Variants in AMMECR1 observed in about 807,000 individuals in gnomAD.
AMMECR1 encodes nuclear protein AMMECR1.
A neutral mutation model predicts 22.5 loss-of-function variants in AMMECR1; 3 were observed. The observed-to-expected ratio is 0.13, with a 90% CI of 0.06 to 0.35. The LOEUF is 0.35. AMMECR1 is among the 10% of genes least tolerant of loss of function. AMMECR1 has a pLI of 1.00. For synonymous variants in AMMECR1, 130 were observed against 116.7 expected (o/e 1.11, Z -0.74); for missense variants, 235 against 278.7 (o/e 0.84, Z 1.12).
At chrX:110,269,132 C>G (rs974378330) in intron 1 of AMMECR1, among the ~76,000 whole-genome samples, 2 of 111,852 alleles carry the variant, frequency 1.8e-5, no homozygotes, top group South Asian at 7.5e-4. Context: ...CCAATACTGT[C>G]AGGTCAACAG....
intron 2 of AMMECR1, among the ~76,000 whole-genome samples, chrX:110,365,047 G>C (rs1244434919): frequency 9.0e-6 from 1 of 111,613 alleles, no homozygotes; most frequent in Non-Finnish European, 1.9e-5. Flanking sequence ...CTTTGCAGGG[G>C]AATTGCCCTA....
chrX:110,433,446 T>C (rs1208747569), intron 1 of AMMECR1, among the ~76,000 whole-genome samples: 3 of 110,830 alleles, frequency 2.7e-5, no homozygotes, highest in Admixed American at 1.9e-4. Flanking sequence ...TAGGAGAGGA[T>C]GGGAGGATGA....
chrX:110,246,230 A>T (rs1383250525), intron 2 of AMMECR1, among the ~76,000 whole-genome samples: 3 of 112,261 alleles, frequency 2.7e-5, no homozygotes, highest in African/African-American at 9.7e-5. Flanking sequence ...TCCCATAAGA[A>T]TTGAGTGTTC....
chrX:110,409,014 C>G (rs1415857785), intron 2 of AMMECR1, among the ~76,000 whole-genome samples: 5 of 111,872 alleles, frequency 4.5e-5, no homozygotes, highest in Non-Finnish European at 7.5e-5. Context: ...TTGAACACCA[C>G]TGTGCTAGCC....
chrX:110,307,870 T>C (rs977691109), intron 1 of AMMECR1, among the ~76,000 whole-genome samples: 20 of 85,789 alleles, frequency 2.3e-4, no homozygotes, highest in Non-Finnish European at 3.6e-4. Context: ...TTTTCTTTTT[T>C]TTTTTTTTTT....
upstream of AMMECR1, among the ~76,000 whole-genome samples, chrX:110,322,716 A>T (rs1254053330): frequency 9.0e-6 from 1 of 111,497 alleles, no homozygotes; most frequent in East Asian, 2.8e-4. Context: ...GATCCCTATA[A>T]CCTCTGCTAG....
chrX:110,301,368 G>T (rs1162765044), intron 1 of AMMECR1, among the ~76,000 whole-genome samples: 1 of 112,475 alleles, frequency 8.9e-6, no homozygotes, highest in Non-Finnish European at 1.9e-5. Flanking sequence ...CTTCCTGCTT[G>T]CACAGGGTCT....
At chrX:110,204,648 T>G (rs2067413471) in intron 3 of AMMECR1, among the ~76,000 whole-genome samples, 1 of 111,813 alleles carries the variant, frequency 8.9e-6, no homozygotes, top group African/African-American at 3.3e-5. Flanking sequence ...AGTCCTTTCT[T>G]TATAGGAGTA....
chrX:110,323,581 T>C (rs1400311581), intron 2 of AMMECR1, among the ~76,000 whole-genome samples: 1 of 112,729 alleles, frequency 8.9e-6, no homozygotes. Flanking sequence ...CATCTACCAG[T>C]ACTTCATTCC....
chrX:110,236,212 G>A (rs1352521104), intron 2 of AMMECR1, among the ~76,000 whole-genome samples: 2 of 111,770 alleles, frequency 1.8e-5, no homozygotes, highest in African/African-American at 6.5e-5. Flanking sequence ...CCTGCTATGT[G>A]CCAAGCACGA....
At chrX:110,336,388 TA>T (rs940888669) in intron 2 of AMMECR1, among the ~76,000 whole-genome samples, 1 of 110,583 alleles carries the variant, frequency 9.0e-6, no homozygotes, top group Admixed American at 9.7e-5. Flanking sequence ...TGTATTTTTT[TA>T]AAAAAACATC....
intron 2 of AMMECR1, among the ~76,000 whole-genome samples, chrX:110,222,311 T>A (rs763252686): frequency 2.2e-5 from 2 of 90,109 alleles, no homozygotes; most frequent in Non-Finnish European, 4.4e-5. Flanking sequence ...ATGGATGAAA[T>A]TGGAAAACAT....
intron 1 of AMMECR1, among the ~76,000 whole-genome samples, chrX:110,284,300 A>AT (rs1348474775): frequency 9.0e-6 from 1 of 111,713 alleles, no homozygotes; most frequent in Non-Finnish European, 1.9e-5. Flanking sequence ...GCAAGAAATC[A>AT]TGATAGTTCC....
At chrX:110,389,600 T>A (rs2148284747) in intron 2 of AMMECR1, among the ~76,000 whole-genome samples, 1 of 112,236 alleles carries the variant, frequency 8.9e-6, no homozygotes, top group East Asian at 2.8e-4. Context: ...CCCTTAAGGT[T>A]ATTCAATCTT....
chrX:110,298,353 C>T (rs1451006703), intron 1 of AMMECR1, among the ~76,000 whole-genome samples: 2 of 111,583 alleles, frequency 1.8e-5, no homozygotes, highest in Non-Finnish European at 3.8e-5. Context: ...AAGCAAATTA[C>T]AAGTTATGAG....
chrX:110,391,827 T>C (rs1289453812), intron 2 of AMMECR1, among the ~76,000 whole-genome samples: 1 of 112,007 alleles, frequency 8.9e-6, no homozygotes, highest in African/African-American at 3.2e-5. Context: ...AGCATCATCT[T>C]CCCCTTTTTT....
intron 2 of AMMECR1, among the ~76,000 whole-genome samples, chrX:110,347,614 G>T (rs2068195947): frequency 8.9e-6 from 1 of 112,749 alleles, no homozygotes; most frequent in Admixed American, 9.4e-5. Flanking sequence ...TAGACATATT[G>T]CTGTCTTTTG....
chrX:110,371,192 C>A (rs1281277009), intron 2 of AMMECR1, among the ~76,000 whole-genome samples: 1 of 110,731 alleles, frequency 9.0e-6, no homozygotes, highest in East Asian at 2.8e-4. Flanking sequence ...CCAGTTTTCA[C>A]CCTTCTTCAT....
chrX:110,403,144 C>G (rs1028901801), intron 2 of AMMECR1, among the ~76,000 whole-genome samples: 3 of 111,348 alleles, frequency 2.7e-5, no homozygotes, highest in Non-Finnish European at 5.7e-5. Context: ...TTTCCCTGCC[C>G]CTGTTCTTCA....
Sources: gnomAD v4.1 joint callset for allele counts (sites outside exome capture counted in the v4.1 genomes callset) on GRCh38, gnomAD v4.1.1 for gene constraint, MANE v1.5 for transcripts, NCBI Gene and HGNC (gene_info 2026-07-23, HGNC 2026-07-21) for gene names.